GRM8: variants seen among roughly 807,000 people sequenced by gnomAD.
The protein encoded by GRM8 is metabotropic glutamate receptor 8.
Under a neutral mutation model 87.2 loss-of-function variants are expected in GRM8, and 47 were observed. The ratio of observed to expected loss-of-function variants is 0.54; its 90% CI spans 0.43 to 0.69. The LOEUF is 0.69. Ranked by LOEUF, GRM8 falls within the 30% of genes least tolerant of loss-of-function variation. GRM8 has a pLI of 0.00. For missense variants in GRM8, 1,019 were observed against 1,139.2 expected (o/e 0.89, Z 1.52); for synonymous variants, 396 against 404.5 (o/e 0.98, Z 0.25).
At chr7:127,249,099 C>G (rs1012505709) in intron 1 of GRM8, among the ~76,000 whole-genome samples, 27 of 152,228 alleles carry the variant, frequency 1.8e-4, no homozygotes, top group Admixed American at 3.3e-4. Flanking sequence ...CAATAAATAG[C>G]CAGCAGCTTT....
chr7:126,710,093 G>A (rs991652700), intron 7 of GRM8, among the ~76,000 whole-genome samples: 1 of 152,178 alleles, frequency 6.6e-6, no homozygotes, highest in Non-Finnish European at 1.5e-5. Context: ...TAAGTGTATA[G>A]CAGCATTATG....
Position 127,019,969 on chromosome 7 carries a change from A to T in GRM8, c.727+86527T>A, listed in dbSNP as rs1816095362. Among the ~76,000 whole-genome samples the T allele has an allele frequency of 2.0e-5, 3 of 152,092 alleles. No homozygotes were observed. In the South Asian group the frequency reaches 6.2e-4, roughly 31 times the overall value. Reference sequence around the variant, plus strand: ...TCTCTACACTGAACTACATTTGAGGAATTTTCATTAAAAGAAACAGAAGTA... The same window carrying T: ...TCTCTACACTGAACTACATTTGAGGTATTTTCATTAAAAGAAACAGAAGTA... On this transcript the variant is annotated intron_variant, in intron 3 of 10. Transcript: ENST00000339582.
At position 126,980,784 on chromosome 7, in the gene GRM8, T is replaced by A. The variant is rs548629805; in HGVS notation, c.728-76101A>T. Among the ~76,000 whole-genome samples the A allele has an allele frequency of 2.0e-5, 3 of 152,340 alleles. No individual in the cohort carries two copies. In the East Asian group the frequency reaches 5.8e-4, roughly 29 times the overall value. On this transcript the variant is annotated intron_variant, in intron 3 of 10. Transcript: ENST00000339582. ...ATACTAACTAAGCTGTCATTTCTCA[T>A]ACATGAATCTCTAAAACAACCTCCC...
At chr7:126,795,091 A>T (rs1300192164) in intron 6 of GRM8, among the ~76,000 whole-genome samples, 1 of 152,164 alleles carries the variant, frequency 6.6e-6, no homozygotes, top group Admixed American at 6.5e-5. Flanking sequence ...TAAACATCCC[A>T]TGTTCTTATT....
chr7:126,641,015 AG>A (rs1802326298), intron 7 of GRM8, among the ~76,000 whole-genome samples: 1 of 152,162 alleles, frequency 6.6e-6, no homozygotes, highest in Admixed American at 6.5e-5. Flanking sequence ...CACTTTTTAA[AG>A]AAAATTGGTA....
At chr7:127,127,838 A>G (rs1827456010) in intron 2 of GRM8, among the ~76,000 whole-genome samples, 1 of 152,084 alleles carries the variant, frequency 6.6e-6, no homozygotes, top group Non-Finnish European at 1.5e-5. Context: ...CTTCCACCCC[A>G]GCACACACCC....
intron 6 of GRM8, among the ~76,000 whole-genome samples, chr7:126,859,026 C>T (rs1055040408): frequency 4.6e-5 from 7 of 151,938 alleles, no homozygotes; most frequent in Non-Finnish European, 8.8e-5. Context: ...CTTCCCAGAC[C>T]ACCACATGAT....
At chr7:127,147,423 T>G (rs1828612752) in intron 2 of GRM8, among the ~76,000 whole-genome samples, 1 of 152,068 alleles carries the variant, frequency 6.6e-6, no homozygotes, top group African/African-American at 2.4e-5. Flanking sequence ...TTAAACCCTT[T>G]CGTAATGCTC....
chr7:126,791,573 T>C (rs916051345), intron 6 of GRM8, among the ~76,000 whole-genome samples: 1 of 152,200 alleles, frequency 6.6e-6, no homozygotes, highest in Non-Finnish European at 1.5e-5. Flanking sequence ...TTAGGAAATC[T>C]GAAGGGGAAA....
intron 6 of GRM8, among the ~76,000 whole-genome samples, chr7:126,849,690 G>A (rs957929340): frequency 6.6e-6 from 1 of 151,934 alleles, no homozygotes; most frequent in African/African-American, 2.4e-5. Flanking sequence ...TGATGATCTT[G>A]CATCCCCATT....
At chr7:126,646,262 A>AGAAG (rs201279417) in intron 7 of GRM8, among the ~76,000 whole-genome samples, 21,175 of 137,554 alleles carry the variant, frequency 0.15, 1,897 homozygotes, top group Non-Finnish European at 0.18. Flanking sequence ...AAGGAGGGAA[A>AGAAG]GAAGGAAGGA....
In GRM8 at chr7:127,132,247, G is replaced by A. The variant is rs538357175; in HGVS notation, c.511-25535C>T. Among the ~76,000 whole-genome samples the A allele has an allele frequency of 5.3e-5, 8 of 152,238 alleles. No homozygotes were observed. The South Asian group carries it at 1.2e-3, about 24-fold the overall frequency. ...ACCCTTGTTCACTTTCAAAGTTGTC[G>A]GACAAATTTGAGATTCACACGCTAA... On this transcript the variant is annotated intron_variant, in intron 2 of 10. Transcript: ENST00000339582.
chr7:126,550,460 G>GT (rs1158045746), intron 8 of GRM8, among the ~76,000 whole-genome samples: 1 of 152,012 alleles, frequency 6.6e-6, no homozygotes, highest in African/African-American at 2.4e-5. Context: ...TAGATTAAAA[G>GT]TTTTTTTAAA....
At chr7:126,555,239 G>A (rs1006460117) in intron 8 of GRM8, among the ~76,000 whole-genome samples, 2 of 152,176 alleles carry the variant, frequency 1.3e-5, no homozygotes, top group African/African-American at 4.8e-5. Context: ...CCCATGACAC[G>A]GTACTAAGTT....
At chr7:126,450,119 G>T (rs1234250327) in intron 9 of GRM8, among the ~76,000 whole-genome samples, 2 of 151,744 alleles carry the variant, frequency 1.3e-5, no homozygotes, top group East Asian at 3.9e-4. Context: ...ACATATCAAG[G>T]TCTACTCAAC....
At chr7:127,201,602 G>A (rs1795612202) in intron 2 of GRM8, among the ~76,000 whole-genome samples, 1 of 152,174 alleles carries the variant, frequency 6.6e-6, no homozygotes, top group African/African-American at 2.4e-5. Context: ...TATGCTTTTT[G>A]TAGTTATCCT....
intron 3 of GRM8, among the ~76,000 whole-genome samples, chr7:127,018,647 T>C (rs960643606): frequency 3.3e-5 from 5 of 151,982 alleles, no homozygotes; most frequent in African/African-American, 1.2e-4. Context: ...GGGGTGACTA[T>C]GACAACTCAG....
Position 126,512,612 on chromosome 7 carries a change from A to G in GRM8, c.2430+20340T>C, listed in dbSNP as rs372844365. 2.4e-4 allele frequency: 37 copies of G among 152,244 alleles called. 1 individual carries two copies. The highest frequency in any genetic ancestry group is 7.7e-4 in the African/African-American group (32 of 41,556). 9.4% of individuals were successfully genotyped at this position (152,244 alleles called of 1,614,324 possible). ...ACAAACTCCACAGACATCATAATCT[A>G]CAGCTGAAACACAGGTATAAGAGGC... is the stretch of plus-strand genomic sequence containing the variant. On this transcript the variant is annotated intron_variant, in intron 9 of 10. Transcript: ENST00000339582.
chr7:126,674,031 A>C (rs1236999386), intron 7 of GRM8, among the ~76,000 whole-genome samples: 1 of 152,186 alleles, frequency 6.6e-6, no homozygotes, highest in African/African-American at 2.4e-5. Flanking sequence ...ACTGCACTCC[A>C]GTTGAACATC....
Sources: gnomAD v4.1 joint callset for allele counts (sites outside exome capture counted in the v4.1 genomes callset) on GRCh38, gnomAD v4.1.1 for gene constraint, MANE v1.5 for transcripts, NCBI Gene and HGNC (gene_info 2026-07-23, HGNC 2026-07-21) for gene names.